Variants in LRRC27 observed in about 807,000 individuals in gnomAD.
The protein encoded by LRRC27 is leucine rich repeat containing 27.
Under a neutral mutation model 55.0 loss-of-function variants are expected in LRRC27, and 57 were observed. The observed-to-expected ratio is 1.04, with a 90% CI of 0.84 to 1.29. LRRC27 has a LOEUF of 1.29. LRRC27 is among the 50% of genes most tolerant of loss of function. The pLI, the probability that LRRC27 is intolerant of heterozygous loss-of-function variation, is 0.00. For missense variants in LRRC27, 721 were observed against 651.5 expected (o/e 1.11, Z -1.16); for synonymous variants, 278 against 251.9 (o/e 1.10, Z -0.98).
intron 2 of LRRC27, 103 bp downstream of exon 2, chr10:132,333,837 T>A (rs12416634): frequency 0.4 from 338,561 of 853,308 alleles, 68,753 homozygotes; most frequent in African/African-American, 0.49. Flanking sequence ...CTCTTTGGAA[T>A]TGATGAATTC....
chr10:132,352,786 C>A lies in LRRC27; in HGVS notation c.1073+1033C>A. The A allele has an allele frequency of 2.2e-6, 3 of 1,388,610 alleles. No homozygotes were observed. In the Admixed American group the frequency reaches 5.8e-5, roughly 27 times the overall value. The allele number at this position is 1,388,610 out of a possible 1,614,324, so 86.0% of individuals were successfully genotyped here. ...CCTGTGGGACAGGCCGGTTGCAGTG[C>A]TCGCGGTCGCCCCCTTGTGTCCGTC... is the stretch of plus-strand genomic sequence containing the variant. On this transcript the variant is annotated intron_variant, in intron 7 of 10. Coordinates refer to ENST00000368614, the MANE Select transcript of LRRC27 (RefSeq NM_030626.3).
chr10:132,357,126 A>G (rs2133001899), intron 8 of LRRC27, among the ~76,000 whole-genome samples: 1 of 152,334 alleles, frequency 6.6e-6, no homozygotes, highest in African/African-American at 2.4e-5. Context: ...CCCCCGGCCC[A>G]GCTTCCCTGA....
intron 6 of LRRC27, among the ~76,000 whole-genome samples, chr10:132,350,155 T>C (rs1288176685): frequency 6.6e-6 from 1 of 152,176 alleles, no homozygotes; most frequent in Admixed American, 6.5e-5. Flanking sequence ...TGAGTGCTCA[T>C]GTCCAAAATA....
intron 8 of LRRC27, among the ~76,000 whole-genome samples, chr10:132,357,790 C>T (rs1230834339): frequency 6.6e-6 from 1 of 152,228 alleles, no homozygotes; most frequent in Admixed American, 6.5e-5. Flanking sequence ...TAGAGCAGTT[C>T]AGTCAGCGAG....
In LRRC27 at chr10:132,378,759, A is replaced by C. The variant is rs72863844; in HGVS notation, c.*3517A>C. ...CATAGACGATTGTACCATTGCACTC[A>C]GAAGAAACATCCCAGGCCCTGAGCA... On this transcript the variant is annotated 3_prime_UTR_variant, in exon 11 of 11. Transcript: ENST00000368614. The C allele has an allele frequency of 0.15, 22,219 of 152,398 alleles. 2,160 individuals carry two copies. The highest frequency in any genetic ancestry group is 0.23 in the Middle Eastern group (67 of 294). The allele number at this position is 152,398 out of a possible 1,614,324, so 9.4% of individuals were successfully genotyped here.
intron 5 of LRRC27, among the ~76,000 whole-genome samples, chr10:132,347,293 T>TG (rs1454146308): frequency 1.3e-5 from 2 of 148,568 alleles, no homozygotes; most frequent in Non-Finnish European, 3.0e-5. Context: ...GGGGCCTGTG[T>TG]GAGAGGGTCA....
In LRRC27 at chr10:132,351,625, C is replaced by T; in HGVS notation, c.945C>T (p.Ser315=). Residue 315 remains serine, a synonymous_variant, in exon 7 of 11, where the codon TCC becomes TCT. Transcript: ENST00000368614. ...ATTTTAGAAGGAAGACAGCCTCCTCCAGGAGCATCTTACCCGACCTCTTGT... is the reference window on the plus strand; with the variant it reads ...ATTTTAGAAGGAAGACAGCCTCCTCTAGGAGCATCTTACCCGACCTCTTGT... The part of the protein sequence containing the change: ...RHVFRRKTAS[S]RSILPDLLSP... 1 of 1,613,898 alleles carries T rather than the reference C, an allele frequency of 6.2e-7. No homozygotes were observed. Among genetic ancestry groups the T allele is most frequent in the Non-Finnish European group, 8.5e-7 (1 of 1,179,930 alleles).
chr10:132,360,518 T>G (rs1215925877), intron 8 of LRRC27, among the ~76,000 whole-genome samples: 1 of 152,188 alleles, frequency 6.6e-6, no homozygotes, highest in Non-Finnish European at 1.5e-5. Flanking sequence ...AGCCTGTGCC[T>G]TGCTTTATGG....
intron 3 of LRRC27, among the ~76,000 whole-genome samples, chr10:132,339,612 C>T (rs557532040): frequency 1.3e-5 from 2 of 152,356 alleles, no homozygotes; most frequent in African/African-American, 2.4e-5. Flanking sequence ...AGTTGTCCAC[C>T]CTGTCCTCAC....
At position 132,364,641 on chromosome 10, in the gene LRRC27, C is replaced by T. The variant is rs1217084938; in HGVS notation, c.1290-783C>T. Reference sequence around the variant, plus strand: ...CATCTACCTCCACGCCCACACTTAACACCCACCCACACTTACATCTACCTG... The same window carrying T: ...CATCTACCTCCACGCCCACACTTAATACCCACCCACACTTACATCTACCTG... On this transcript the variant is annotated intron_variant, in intron 9 of 10. Coordinates refer to ENST00000368614, the MANE Select transcript of LRRC27 (RefSeq NM_030626.3). 5.2e-5 allele frequency among the ~76,000 whole-genome samples: 4 copies of T among 77,658 alleles called. 1 individual carries two copies. Among genetic ancestry groups the T allele is most frequent in the Non-Finnish European group, 1.0e-4 (4 of 40,172 alleles). The allele number at this position is 77,658 out of a possible 152,430, so 50.9% of individuals were successfully genotyped here. A position where few individuals can be genotyped will look rare whatever the true frequency, so the allele number is the denominator to read the frequency against.
chr10:132,352,798 C>G (rs1162651832), intron 7 of LRRC27: 4 of 1,499,958 alleles, frequency 2.7e-6, no homozygotes, highest in Non-Finnish European at 3.7e-6. Context: ...CGCGGTCGCC[C>G]CCTTGTGTCC....
chr10:132,353,439 G>C, intron 7 of LRRC27: 2 of 1,011,586 alleles, frequency 2.0e-6, no homozygotes, highest in Non-Finnish European at 2.4e-6. Context: ...CCATGTGATA[G>C]GGGCTGTGTC....
intron 10 of LRRC27, among the ~76,000 whole-genome samples, chr10:132,371,193 C>T (rs905673780): frequency 6.6e-6 from 1 of 152,244 alleles, no homozygotes; most frequent in African/African-American, 2.4e-5. Flanking sequence ...GTGGCGCTGG[C>T]AAGGAGTCCT....
chr10:132,337,123 AG>A (rs2067173169), intron 2 of LRRC27: 1 of 1,211,012 alleles, frequency 8.3e-7, no homozygotes, highest in Non-Finnish European at 1.0e-6. Flanking sequence ...TTAATGATTG[AG>A]TTGGGCTGAG....
intron 7 of LRRC27, chr10:132,352,976 C>T (rs1364864469): frequency 3.7e-6 from 6 of 1,613,580 alleles, no homozygotes; most frequent in Non-Finnish European, 3.4e-6. Flanking sequence ...GCCAGTGCCA[C>T]CACCTTGCGA....
chr10:132,338,426 G>A (rs1435290282), intron 3 of LRRC27, among the ~76,000 whole-genome samples: 1 of 152,194 alleles, frequency 6.6e-6, no homozygotes, highest in African/African-American at 2.4e-5. Flanking sequence ...GGAAAACTGG[G>A]AGCACCCAAC....
At chr10:132,344,943 C>G (rs1160714693) in intron 5 of LRRC27, 6 of 260,938 alleles carry the variant, frequency 2.3e-5, no homozygotes, top group Middle Eastern at 1.2e-3. Context: ...CACCCGCAGG[C>G]GGCTGCTTCA....
At chr10:132,367,745 G>T (rs138455312) in intron 10 of LRRC27, among the ~76,000 whole-genome samples, 3 of 152,328 alleles carry the variant, frequency 2.0e-5, no homozygotes, top group African/African-American at 4.8e-5. Flanking sequence ...AAGACTTACA[G>T]CTAACATTAT....
intron 10 of LRRC27, among the ~76,000 whole-genome samples, chr10:132,373,268 T>C (rs10870301): frequency 0.52 from 79,307 of 152,048 alleles, 22,525 homozygotes; most frequent in African/African-American, 0.74. Context: ...GAGGACGACC[T>C]GAGCAGAGCG....
Sources: gnomAD v4.1 joint callset for allele counts (sites outside exome capture counted in the v4.1 genomes callset) on GRCh38, gnomAD v4.1.1 for gene constraint, MANE v1.5 for transcripts, NCBI Gene and HGNC (gene_info 2026-07-23, HGNC 2026-07-21) for gene names.